Variants in SYNPR observed in about 807,000 individuals in gnomAD.
SYNPR encodes the protein synaptoporin.
A neutral mutation model predicts 32.9 loss-of-function variants in SYNPR; 23 were observed. The ratio of observed to expected loss-of-function variants is 0.70; its 90% CI spans 0.50 to 0.99. The LOEUF (loss-of-function observed/expected upper bound fraction) is 0.99. SYNPR is among the 50% of genes least tolerant of loss of function. The probability of loss-of-function intolerance (pLI) is 0.00; values close to 1 mark genes in which losing one functional copy is unlikely to be tolerated. For synonymous variants in SYNPR, 146 were observed against 135.9 expected, an observed-to-expected ratio of 1.07 and a Z score of -0.52; for missense variants, 318 against 349.3, an observed-to-expected ratio of 0.91 and a Z score of 0.71.
chr3:63,211,107 C>T, the SYNPR span, among the ~76,000 whole-genome samples: 3 of 152,142 alleles, frequency 2.0e-5, no homozygotes, highest in Non-Finnish European at 4.4e-5. Context: ...CTCACTTTGT[C>T]ACCCAGCCTG....
At chr3:63,423,018 GA>G (rs1219476855) in intron 2 of SYNPR, among the ~76,000 whole-genome samples, 1 of 152,092 alleles carries the variant, frequency 6.6e-6, no homozygotes, top group Non-Finnish European at 1.5e-5. Context: ...CTAATGTCTA[GA>G]AAAACACATT....
At chr3:63,580,533 C>A (rs1040100478) in intron 4 of SYNPR, among the ~76,000 whole-genome samples, 1 of 151,760 alleles carries the variant, frequency 6.6e-6, no homozygotes, top group African/African-American at 2.4e-5. Context: ...GTCTCCAGGA[C>A]GTGGAAGCAT....
At chr3:63,418,624 A>G (rs1341728834) in intron 2 of SYNPR, among the ~76,000 whole-genome samples, 1 of 152,222 alleles carries the variant, frequency 6.6e-6, no homozygotes, top group Non-Finnish European at 1.5e-5. Context: ...AGGCCGCACA[A>G]CTATGGTGGA....
chr3:63,279,103 T>C (rs11923344), intron 2 of SYNPR, among the ~76,000 whole-genome samples: 97,133 of 151,832 alleles, frequency 0.64, 31,577 homozygotes, highest in South Asian at 0.73. Context: ...TGGACCTTCG[T>C]GGGGATGAGG....
chr3:63,286,925 T>C (rs2086689700), intron 2 of SYNPR, among the ~76,000 whole-genome samples: 1 of 152,140 alleles, frequency 6.6e-6, no homozygotes, highest in Non-Finnish European at 1.5e-5. Context: ...GAAATACCTT[T>C]TTCCAACCTA....
In SYNPR at chr3:63,603,845, T is replaced by C. The variant is rs1483248691; in HGVS notation, c.409-5280T>C. On this transcript the variant is annotated intron_variant, in intron 4 of 5. Transcript: ENST00000478300. ...ATTGTGTCTCTGCCTGGTTTTGTTA[T>C]CAGGATGATGTTGGCCTCATAGGAT... Among the ~76,000 whole-genome samples, 3 of 152,176 alleles carry C rather than the reference T, an allele frequency of 2.0e-5. No individual in the cohort carries two copies. In the East Asian group the frequency reaches 5.8e-4, roughly 29 times the overall value.
chr3:63,403,559 C>T lies in SYNPR; in HGVS notation c.85-77273C>T, dbSNP rs1575626769. Among the ~76,000 whole-genome samples, 6 of 152,168 alleles carry T rather than the reference C, an allele frequency of 3.9e-5. 1 individual carries two copies. The highest frequency in any genetic ancestry group is 1.9e-4 in the East Asian group (1 of 5,174). ...TTTATTGGATACCATCCTCATTTAA[C>T]AGATGAGACAGCACAGGAACCCAGA... On this transcript the variant is annotated intron_variant, in intron 2 of 5. Transcript: ENST00000478300.
intron 2 of SYNPR, among the ~76,000 whole-genome samples, chr3:63,396,212 C>G (rs1326024884): frequency 6.6e-6 from 1 of 152,194 alleles, no homozygotes; most frequent in African/African-American, 2.4e-5. Context: ...TATAAAAGGA[C>G]TCTCTAATTG....
chr3:63,265,307 A>C (rs1247071881), intron 2 of SYNPR, among the ~76,000 whole-genome samples: 1 of 134,602 alleles, frequency 7.4e-6, no homozygotes, highest in Non-Finnish European at 1.5e-5. Flanking sequence ...GATGGAGTGC[A>C]GTGGCACAAT....
At chr3:63,275,588 C>T (rs1265910591), upstream of SYNPR, among the ~76,000 whole-genome samples, 2 of 152,118 alleles carry the variant, frequency 1.3e-5, no homozygotes, top group African/African-American at 4.8e-5. Context: ...GTTTTCAATT[C>T]AAATAATCTG....
chr3:63,365,523 C>T (rs979113148), intron 2 of SYNPR, among the ~76,000 whole-genome samples: 1 of 151,878 alleles, frequency 6.6e-6, no homozygotes, highest in Non-Finnish European at 1.5e-5. Context: ...GAAGTTAACA[C>T]GGGGAAATAA....
chr3:63,577,348 G>A (rs1038019346), intron 4 of SYNPR, among the ~76,000 whole-genome samples: 2 of 152,172 alleles, frequency 1.3e-5, no homozygotes, highest in African/African-American at 2.4e-5. Flanking sequence ...TTGAATTATA[G>A]AGTACCCTGA....
upstream of SYNPR, among the ~76,000 whole-genome samples, chr3:63,275,517 C>T (rs2086567554): frequency 6.6e-6 from 1 of 152,170 alleles, no homozygotes; most frequent in African/African-American, 2.4e-5. Flanking sequence ...TCAGAAGGAA[C>T]ACTGGGTGTG....
intron 2 of SYNPR, among the ~76,000 whole-genome samples, chr3:63,347,288 G>T (rs1284777167): frequency 6.6e-6 from 1 of 152,118 alleles, no homozygotes; most frequent in East Asian, 1.9e-4. Context: ...TGCAAAGATT[G>T]TGCTTGAAAA....
intron 3 of SYNPR, among the ~76,000 whole-genome samples, chr3:63,514,995 T>A (rs990499383): frequency 6.6e-6 from 1 of 152,156 alleles, no homozygotes; most frequent in Non-Finnish European, 1.5e-5. Context: ...TTAAGGCTTT[T>A]GGAATTATGT....
At chr3:63,335,790 T>TTTTTTTA (rs2087285250) in intron 2 of SYNPR, among the ~76,000 whole-genome samples, 3 of 142,460 alleles carry the variant, frequency 2.1e-5, no homozygotes, top group Admixed American at 7.1e-5. Context: ...TTTTTTTTTT[T>TTTTTTTA]GAGACAGAGT....
intron 2 of SYNPR, among the ~76,000 whole-genome samples, chr3:63,434,775 T>C (rs993733049): frequency 3.3e-5 from 5 of 152,224 alleles, no homozygotes; most frequent in Non-Finnish European, 7.3e-5. Context: ...CTCTCCCTGT[T>C]ATAAAAAATA....
chr3:63,328,812 A>G (rs1270717425), intron 2 of SYNPR, among the ~76,000 whole-genome samples: 1 of 152,142 alleles, frequency 6.6e-6, no homozygotes, highest in South Asian at 2.1e-4. Flanking sequence ...AAACACGAGT[A>G]TTACAGTGGT....
intron 3 of SYNPR, among the ~76,000 whole-genome samples, chr3:63,506,154 G>A (rs541986994): frequency 1.0e-4 from 15 of 146,374 alleles, no homozygotes; most frequent in East Asian, 2.0e-4. Flanking sequence ...CTTTTCCTCC[G>A]CTCTCTTCTT....
Sources: allele counts gnomAD v4.1 joint callset (sites outside exome capture counted in the v4.1 genomes callset), GRCh38; gene constraint gnomAD v4.1.1; transcripts MANE v1.5; gene names NCBI Gene and HGNC (gene_info 2026-07-23, HGNC 2026-07-21).